NBEA: variants seen among roughly 807,000 people sequenced by gnomAD.
The protein encoded by NBEA is neurobeachin.
NBEA carries 44 observed loss-of-function variants against 343.4 expected under a neutral mutation model. The ratio of observed to expected loss-of-function variants is 0.13; its 90% CI spans 0.10 to 0.16. NBEA has a LOEUF of 0.16. Among genes scored for constraint, NBEA ranks in the 10% least tolerant of loss-of-function variants. NBEA has a pLI of 1.00. For missense variants in NBEA, 2,555 were observed against 3,631.3 expected (o/e 0.70, Z 7.62); for synonymous variants, 1,175 against 1,238.7 (o/e 0.95, Z 1.08).
At chr13:35,637,678 C>T (rs1437063878) in intron 49 of NBEA, among the ~76,000 whole-genome samples, 1 of 151,810 alleles carries the variant, frequency 6.6e-6, no homozygotes, top group African/African-American at 2.4e-5. Flanking sequence ...AAAAATTAGC[C>T]GGGCATGGTG....
intron 13 of NBEA, among the ~76,000 whole-genome samples, chr13:35,116,785 A>G (rs1391098358): frequency 1.3e-5 from 2 of 151,902 alleles, no homozygotes; most frequent in Admixed American, 1.3e-4. Flanking sequence ...TTATATTTTC[A>G]TTTTTATTAG....
intron 38 of NBEA, among the ~76,000 whole-genome samples, chr13:35,410,485 C>T (rs934914309): frequency 6.6e-6 from 1 of 151,902 alleles, no homozygotes; most frequent in Non-Finnish European, 1.5e-5. Context: ...AGGCAAGAGT[C>T]AGAATAGTAG....
At chr13:35,067,789 T>G (rs1041158026) in intron 8 of NBEA, among the ~76,000 whole-genome samples, 2 of 152,056 alleles carry the variant, frequency 1.3e-5, no homozygotes, top group South Asian at 2.1e-4. Flanking sequence ...CAGGGTGGAG[T>G]GCAGTGGCAT....
At position 35,109,196 on chromosome 13, in the gene NBEA, A is replaced by G. The variant is rs2066065624; in HGVS notation, c.1681-94A>G. ...TTATTTCATATTTATTAGGGATAGC[A>G]TATGAAAAATTCATGTGTCCTTATG... On this transcript the variant is annotated intron_variant, in intron 11 of 58. Transcript: ENST00000379939. 3.8e-6 allele frequency: 4 copies of G among 1,064,078 alleles called. No individual in the cohort carries two copies. In the African/African-American group the frequency reaches 6.4e-5, roughly 17 times the overall value. 65.9% of individuals were successfully genotyped at this position (1,064,078 alleles called of 1,614,324 possible). A position where few individuals can be genotyped will look rare whatever the true frequency, so the allele number is the denominator to read the frequency against.
chr13:34,946,473 A>G (rs1312047121), intron 1 of NBEA, among the ~76,000 whole-genome samples: 3 of 152,102 alleles, frequency 2.0e-5, no homozygotes, highest in Non-Finnish European at 2.9e-5. Context: ...TAGAGGATTA[A>G]TATTTACTTA....
intron 27 of NBEA, among the ~76,000 whole-genome samples, chr13:35,173,816 ATAAAGTTC>A (rs1487800066): frequency 6.6e-6 from 1 of 152,162 alleles, no homozygotes; most frequent in African/African-American, 2.4e-5. Context: ...TTTCTACTTA[ATAAAGTTC>A]TTACAAATAT....
intron 41 of NBEA, among the ~76,000 whole-genome samples, chr13:35,501,313 G>A (rs1254418414): frequency 6.6e-6 from 1 of 152,100 alleles, no homozygotes; most frequent in African/African-American, 2.4e-5. Flanking sequence ...AGCAACGTGT[G>A]GAAAATACCA....
chr13:35,130,092 T>C (rs746238431), intron 17 of NBEA, among the ~76,000 whole-genome samples: 1 of 152,228 alleles, frequency 6.6e-6, no homozygotes, highest in Non-Finnish European at 1.5e-5. Context: ...AAAAAGTTAA[T>C]AGGCAGTTAT....
chr13:34,971,820 T>G (rs2060005138), intron 1 of NBEA, among the ~76,000 whole-genome samples: 1 of 136,980 alleles, frequency 7.3e-6, no homozygotes, highest in Non-Finnish European at 1.5e-5. Flanking sequence ...TTTTCTTTTC[T>G]TTTTTTTTTT....
intron 1 of NBEA, among the ~76,000 whole-genome samples, chr13:34,975,845 A>G (rs1222188353): frequency 2.6e-5 from 4 of 152,222 alleles, no homozygotes; most frequent in Non-Finnish European, 4.4e-5. Context: ...ACTTATTATC[A>G]GGGAAATGCA....
At chr13:34,959,641 A>C (rs2059599442) in intron 1 of NBEA, among the ~76,000 whole-genome samples, 1 of 152,078 alleles carries the variant, frequency 6.6e-6, no homozygotes, top group East Asian at 1.9e-4. Flanking sequence ...CATTTCCATA[A>C]GTGTCATAGG....
intron 1 of NBEA, among the ~76,000 whole-genome samples, chr13:35,007,303 G>A (rs893012846): frequency 3.3e-5 from 5 of 151,698 alleles, no homozygotes; most frequent in African/African-American, 1.2e-4. Context: ...TTATCCTTAT[G>A]TCCTTACTAT....
intron 38 of NBEA, among the ~76,000 whole-genome samples, chr13:35,406,757 A>G (rs750529521): frequency 2.0e-4 from 31 of 152,080 alleles, no homozygotes; most frequent in Non-Finnish European, 3.7e-4. Flanking sequence ...CCACAACTCT[A>G]CTGCTCTGTC....
At chr13:35,587,403 C>T (rs972222696) in intron 46 of NBEA, among the ~76,000 whole-genome samples, 1 of 152,104 alleles carries the variant, frequency 6.6e-6, no homozygotes, top group Non-Finnish European at 1.5e-5. Flanking sequence ...GAGATTTTCA[C>T]CCTGGGAGGC....
At chr13:35,609,143 G>C (rs1438621823) in intron 48 of NBEA, among the ~76,000 whole-genome samples, 1 of 152,172 alleles carries the variant, frequency 6.6e-6, no homozygotes, top group Non-Finnish European at 1.5e-5. Flanking sequence ...GAAAAATAGA[G>C]TGGTTATCTT....
At chr13:35,015,292 A>G (rs1237835416) in intron 1 of NBEA, among the ~76,000 whole-genome samples, 1 of 152,106 alleles carries the variant, frequency 6.6e-6, no homozygotes, top group Non-Finnish European at 1.5e-5. Flanking sequence ...AGCTATTCAG[A>G]TCATAAAACT....
chr13:35,549,124 A>C (rs1327934663), intron 41 of NBEA, among the ~76,000 whole-genome samples: 1 of 152,188 alleles, frequency 6.6e-6, no homozygotes, highest in Non-Finnish European at 1.5e-5. Context: ...AAAATGTTTC[A>C]GATTTAAATA....
intron 38 of NBEA, among the ~76,000 whole-genome samples, chr13:35,363,448 C>T (rs1468423129): frequency 1.3e-5 from 2 of 151,780 alleles, no homozygotes; most frequent in East Asian, 3.9e-4. Flanking sequence ...CTTATATTAC[C>T]TTCCTAGCCT....
intron 38 of NBEA, among the ~76,000 whole-genome samples, chr13:35,380,426 G>A (rs2041957465): frequency 1.3e-5 from 2 of 151,954 alleles, no homozygotes. Context: ...GCCTGGGCAA[G>A]ACAGAGTGAG....
Sources: gnomAD v4.1 joint callset for allele counts (sites outside exome capture counted in the v4.1 genomes callset) on GRCh38, gnomAD v4.1.1 for gene constraint, MANE v1.5 for transcripts, NCBI Gene and HGNC (gene_info 2026-07-23, HGNC 2026-07-21) for gene names.